Variants in ADK observed in about 807,000 individuals in gnomAD.
ADK encodes adenosine kinase.
A neutral mutation model predicts 44.7 loss-of-function variants in ADK; 24 were observed. The observed-to-expected ratio is 0.54, with a 90% CI of 0.39 to 0.76. The LOEUF is 0.76. Ranked by LOEUF, ADK falls within the 30% of genes least tolerant of loss-of-function variation. The probability of loss-of-function intolerance (pLI) is 0.00; values close to 1 mark genes in which losing one functional copy is unlikely to be tolerated. For missense variants in ADK, 321 were observed against 425.1 expected, an observed-to-expected ratio of 0.76 and a Z score of 2.15; for synonymous variants, 128 against 142.6, an observed-to-expected ratio of 0.90 and a Z score of 0.73.
In ADK at chr10:74,589,278, TCAGG is replaced by T; in HGVS notation, c.727-3_727del. On this transcript the variant is annotated splice_acceptor_variant and splice_polypyrimidine_tract_variant and coding_sequence_variant and intron_variant, in exon 8 of 11. Transcript: ENST00000539909. LOFTEE classifies it high-confidence loss of function. ...TTAACTGTTCTTTTTTTTTTTTATT[TCAGG>T]AAGCTGCCACTTTTGCTAGAGAGCA... 1 of 1,613,502 alleles carries T rather than the reference TCAGG, an allele frequency of 6.2e-7. No homozygotes were observed. Among genetic ancestry groups the T allele is most frequent in the Non-Finnish European group, 8.5e-7 (1 of 1,179,686 alleles).
chr10:74,176,499 T>A (rs1842342676), intron 1 of ADK: 1 of 1,176,702 alleles, frequency 8.5e-7, no homozygotes, highest in South Asian at 2.2e-5. Flanking sequence ...CGGCCATTTT[T>A]GGGGCGGGCA....
intron 4 of ADK, among the ~76,000 whole-genome samples, chr10:74,315,365 G>A (rs1357735941): frequency 2.6e-5 from 4 of 151,992 alleles, no homozygotes; most frequent in Admixed American, 2.0e-4. Context: ...CTATACCGGT[G>A]TATATCTTTT....
intron 6 of ADK, among the ~76,000 whole-genome samples, chr10:74,433,034 T>G (rs1314275315): frequency 6.6e-6 from 1 of 152,194 alleles, no homozygotes; most frequent in African/African-American, 2.4e-5. Context: ...TCTATGTATC[T>G]TTTAGTTGGA....
intron 1 of ADK, among the ~76,000 whole-genome samples, chr10:74,179,794 C>T (rs772959690): frequency 1.3e-5 from 2 of 152,176 alleles, no homozygotes; most frequent in African/African-American, 4.8e-5. Flanking sequence ...TCTTTGGAAT[C>T]GTCATCCTTT....
intron 6 of ADK, among the ~76,000 whole-genome samples, chr10:74,427,727 A>ACGTG (rs1554856802): frequency 6.7e-6 from 1 of 148,398 alleles, no homozygotes; most frequent in Admixed American, 6.7e-5. Flanking sequence ...ATGTATATGT[A>ACGTG]TGTGTGTGTG....
chr10:74,151,400 C>T (rs1841581039), intron 1 of ADK, 57 bp downstream of exon 1: 1 of 1,531,178 alleles, frequency 6.5e-7, no homozygotes, highest in Middle Eastern at 2.3e-4. Flanking sequence ...AGCCAGGGCC[C>T]ACGTGGGGTT....
intron 4 of ADK, among the ~76,000 whole-genome samples, chr10:74,364,668 A>G (rs1195084291): frequency 7.1e-6 from 1 of 141,674 alleles, no homozygotes; most frequent in Non-Finnish European, 1.5e-5. Flanking sequence ...CCTTTCCTTT[A>G]TCTTTAGGCA....
At chr10:74,600,536 T>C (rs758257236) in intron 9 of ADK, 43 bp downstream of exon 9, 1 of 1,356,388 alleles carries the variant, frequency 7.4e-7, no homozygotes, top group South Asian at 1.3e-5. Flanking sequence ...TTATGGAGAT[T>C]AATCAATTAC....
intron 9 of ADK, among the ~76,000 whole-genome samples, chr10:74,656,833 A>G (rs1454741070): frequency 1.3e-5 from 2 of 152,166 alleles, no homozygotes; most frequent in Admixed American, 6.5e-5. Context: ...AAAGTCCCAC[A>G]TGAGAGCGTT....
chr10:74,429,613 A>G (rs190209265), intron 6 of ADK, among the ~76,000 whole-genome samples: 1 of 152,300 alleles, frequency 6.6e-6, no homozygotes, highest in East Asian at 1.9e-4. Flanking sequence ...GAGCTAAGAA[A>G]GTTTTCATGA....
intron 6 of ADK, among the ~76,000 whole-genome samples, chr10:74,472,133 T>C (rs1010313800): frequency 3.3e-5 from 5 of 151,780 alleles, no homozygotes; most frequent in Non-Finnish European, 5.9e-5. Flanking sequence ...AGTTCAGGAG[T>C]TCAAGGTTAC....
intron 4 of ADK, among the ~76,000 whole-genome samples, chr10:74,358,150 G>A (rs1404334422): frequency 3.3e-5 from 5 of 151,988 alleles, no homozygotes; most frequent in Non-Finnish European, 7.4e-5. Context: ...CCTCATAATT[G>A]CAACAGATGC....
intron 6 of ADK, among the ~76,000 whole-genome samples, chr10:74,510,046 G>A (rs1207148932): frequency 6.6e-6 from 1 of 152,138 alleles, no homozygotes; most frequent in Non-Finnish European, 1.5e-5. Flanking sequence ...AATAAGCATA[G>A]GGGTACACAT....
chr10:74,639,712 T>C (rs1414450026), intron 9 of ADK, among the ~76,000 whole-genome samples: 1 of 152,128 alleles, frequency 6.6e-6, no homozygotes, highest in East Asian at 1.9e-4. Context: ...GGCATGTACC[T>C]GTAATCCCAG....
At chr10:74,589,906 A>G (rs1851658950) in intron 8 of ADK, among the ~76,000 whole-genome samples, 1 of 152,204 alleles carries the variant, frequency 6.6e-6, no homozygotes, top group Non-Finnish European at 1.5e-5. Context: ...CATAAAATAT[A>G]CATACATTTT....
intron 9 of ADK, among the ~76,000 whole-genome samples, chr10:74,658,307 G>C (rs1854568062): frequency 6.6e-6 from 1 of 152,124 alleles, no homozygotes; most frequent in African/African-American, 2.4e-5. Context: ...GCCAAGTTTT[G>C]TGCCCTGAGC....
chr10:74,248,033 C>G (rs578119390), intron 3 of ADK, among the ~76,000 whole-genome samples: 1 of 151,940 alleles, frequency 6.6e-6, no homozygotes, highest in African/African-American at 2.4e-5. Flanking sequence ...AGATTCTAAC[C>G]CCCTCCTTTT....
At chr10:74,594,874 T>G (rs1181301190) in intron 8 of ADK, among the ~76,000 whole-genome samples, 1 of 151,894 alleles carries the variant, frequency 6.6e-6, no homozygotes, top group Non-Finnish European at 1.5e-5. Flanking sequence ...TTCAACAGAT[T>G]AAAAAAATAG....
chr10:74,397,651 C>G (rs1843565008), intron 5 of ADK, among the ~76,000 whole-genome samples: 1 of 152,104 alleles, frequency 6.6e-6, no homozygotes. Context: ...AATCCTCCCA[C>G]CTCAGCTTCC....
Sources: gnomAD v4.1 joint callset for allele counts (sites outside exome capture counted in the v4.1 genomes callset) on GRCh38, gnomAD v4.1.1 for gene constraint, MANE v1.5 for transcripts, NCBI Gene and HGNC (gene_info 2026-07-23, HGNC 2026-07-21) for gene names.